SCAI: variants seen among roughly 807,000 people sequenced by gnomAD.
SCAI encodes suppressor of cancer cell invasion.
A neutral mutation model predicts 92.2 loss-of-function variants in SCAI; 24 were observed. The ratio of observed to expected loss-of-function variants is 0.26; its 90% CI spans 0.19 to 0.37. The LOEUF is 0.37. SCAI is among the 10% of genes least tolerant of loss of function. The pLI, the probability that SCAI is intolerant of heterozygous loss-of-function variation, is 1.00. For synonymous variants in SCAI, 261 were observed against 258.6 expected (o/e 1.01, Z -0.09); for missense variants, 450 against 736.2 (o/e 0.61, Z 4.50).
intron 3 of SCAI, among the ~76,000 whole-genome samples, chr9:125,054,164 G>A (rs778067302): frequency 1.1e-4 from 17 of 152,130 alleles, no homozygotes; most frequent in African/African-American, 2.4e-4. Flanking sequence ...TTGTAGAGAC[G>A]AGGTTTCACC....
intron 3 of SCAI, among the ~76,000 whole-genome samples, chr9:125,046,753 C>A (rs75221048): frequency 6.6e-6 from 1 of 151,286 alleles, no homozygotes; most frequent in African/African-American, 2.4e-5. Flanking sequence ...AACCAATTCC[C>A]GATCCAGCTT....
intron 2 of SCAI, among the ~76,000 whole-genome samples, chr9:125,092,131 TAAAAAAA>T (rs71374225): frequency 4.6e-4 from 28 of 61,138 alleles, no homozygotes; most frequent in African/African-American, 1.6e-3. Flanking sequence ...CTCCGTCTCT[TAAAAAAA>T]AAAAAAAAAA....
chr9:125,084,491 A>G (rs1170877887), intron 2 of SCAI, among the ~76,000 whole-genome samples: 1 of 151,910 alleles, frequency 6.6e-6, no homozygotes, highest in Non-Finnish European at 1.5e-5. Context: ...TTTAAGCACT[A>G]CGTAAAAGAG....
intron 17 of SCAI, among the ~76,000 whole-genome samples, chr9:124,969,257 C>G (rs532519653): frequency 2.6e-5 from 4 of 152,092 alleles, no homozygotes; most frequent in Admixed American, 1.3e-4. Flanking sequence ...TTGCACAGTT[C>G]TTTTACATTT....
chr9:125,008,731 A>C (rs550566525), intron 9 of SCAI, among the ~76,000 whole-genome samples: 1 of 152,324 alleles, frequency 6.6e-6, no homozygotes, highest in South Asian at 2.1e-4. Context: ...ACGGGTCTAC[A>C]AACATGTAAC....
At position 125,143,470 on chromosome 9, in the gene SCAI, G is replaced by A. The variant is rs1158184670; in HGVS notation, c.-33C>T. The A allele has an allele frequency of 7.5e-7, 1 of 1,338,070 alleles. No homozygotes were observed. Among genetic ancestry groups the A allele is most frequent in the Non-Finnish European group, 9.6e-7 (1 of 1,044,288 alleles). 82.9% of individuals were successfully genotyped at this position (1,338,070 alleles called of 1,614,324 possible). A position where few individuals can be genotyped will look rare whatever the true frequency, so the allele number is the denominator to read the frequency against. On this transcript the variant is annotated 5_prime_UTR_variant, in exon 1 of 18. Coordinates refer to ENST00000336505, the MANE Select transcript of SCAI (RefSeq NM_001144877.3). ...CTGCTCCGCCGCGGGAGCTGCTCCGGCGGCCGCAGGGCTCGCTCGGGAAGC... is the reference window on the plus strand; with the variant it reads ...CTGCTCCGCCGCGGGAGCTGCTCCGACGGCCGCAGGGCTCGCTCGGGAAGC...
chr9:124,995,076 C>G (rs1004907064), intron 13 of SCAI, 61 bp from the exon 14 acceptor site: 2 of 1,315,540 alleles, frequency 1.5e-6, no homozygotes, highest in Admixed American at 3.9e-5. Context: ...AAATCTTATT[C>G]TTCAGTTTGG....
At chr9:125,035,855 C>T (rs1185017830) in intron 3 of SCAI, among the ~76,000 whole-genome samples, 6 of 152,088 alleles carry the variant, frequency 3.9e-5, no homozygotes, top group Admixed American at 6.5e-5. Context: ...GCCAGGAGTT[C>T]GAGACCAGCA....
chr9:125,100,250 G>A (rs758660295), intron 2 of SCAI, among the ~76,000 whole-genome samples: 1 of 152,164 alleles, frequency 6.6e-6, no homozygotes, highest in African/African-American at 2.4e-5. Flanking sequence ...AGTGGCCCAG[G>A]TTTTCACATT....
chr9:125,135,388 A>G (rs1367903474), intron 2 of SCAI, among the ~76,000 whole-genome samples: 1 of 152,238 alleles, frequency 6.6e-6, no homozygotes, highest in Non-Finnish European at 1.5e-5. Context: ...ACGATGGCTC[A>G]CGCCTGTAAT....
chr9:125,134,953 G>C (rs1835490199), intron 2 of SCAI, among the ~76,000 whole-genome samples: 1 of 152,166 alleles, frequency 6.6e-6, no homozygotes, highest in African/African-American at 2.4e-5. Flanking sequence ...TGAGATTACA[G>C]GCATGAGCCA....
intron 3 of SCAI, among the ~76,000 whole-genome samples, chr9:125,033,829 C>T (rs570207559): frequency 7.2e-5 from 11 of 152,198 alleles, no homozygotes; most frequent in East Asian, 1.9e-4. Context: ...TCTTCTCTTT[C>T]GAGGCTCCAT....
intron 13 of SCAI, among the ~76,000 whole-genome samples, chr9:124,999,189 C>G (rs1462801011): frequency 6.6e-6 from 1 of 151,828 alleles, no homozygotes; most frequent in Non-Finnish European, 1.5e-5. Context: ...GAGTTCAAGA[C>G]CAGCCTGACA....
At chr9:125,056,035 C>A (rs774331231) in intron 2 of SCAI, 28 bp from the exon 3 acceptor site, 4 of 1,546,896 alleles carry the variant, frequency 2.6e-6, no homozygotes, top group South Asian at 2.4e-5. Context: ...TTCATTCATG[C>A]AGGAGGTAAA....
intron 13 of SCAI, among the ~76,000 whole-genome samples, chr9:124,999,156 G>A (rs9696927): frequency 0.67 from 102,293 of 151,574 alleles, 35,511 homozygotes; most frequent in African/African-American, 0.82. Context: ...TGGGAGGCCG[G>A]GGCAGGTGGA....
intron 17 of SCAI, 69 bp from the exon 18 acceptor site, chr9:124,953,022 A>G: frequency 2.5e-6 from 3 of 1,204,322 alleles, no homozygotes; most frequent in East Asian, 4.7e-5. Flanking sequence ...CATTGATAAC[A>G]GTGTCAAGGA....
At chr9:125,067,958 CCT>C (rs1321359582) in intron 2 of SCAI, among the ~76,000 whole-genome samples, 1 of 152,256 alleles carries the variant, frequency 6.6e-6, no homozygotes. Flanking sequence ...AGAAAAACTG[CCT>C]CTCTGGACTG....
intron 14 of SCAI, among the ~76,000 whole-genome samples, chr9:124,976,692 A>G (rs1481655234): frequency 6.6e-6 from 1 of 152,242 alleles, no homozygotes; most frequent in East Asian, 1.9e-4. Context: ...ACTCTACATA[A>G]TTAATCATAT....
intron 2 of SCAI, among the ~76,000 whole-genome samples, chr9:125,064,406 T>C (rs1279529770): frequency 6.6e-6 from 1 of 152,154 alleles, no homozygotes; most frequent in Non-Finnish European, 1.5e-5. Context: ...CTAATTCTCA[T>C]ACTCCATCTC....
Sources: gnomAD v4.1 joint callset for allele counts (sites outside exome capture counted in the v4.1 genomes callset) on GRCh38, gnomAD v4.1.1 for gene constraint, MANE v1.5 for transcripts, NCBI Gene and HGNC (gene_info 2026-07-23, HGNC 2026-07-21) for gene names.